The following CRB1 variants were observed in gnomAD, a reference collection of about 807,000 sequenced individuals.
The protein encoded by CRB1 is crumbs cell polarity complex component 1.
In CRB1, 83 loss-of-function variants were observed where a neutral mutation model predicts 120.0. The observed-to-expected ratio is 0.69, with a 90% CI of 0.58 to 0.83. CRB1 has a LOEUF of 0.83. CRB1 is among the 40% of genes least tolerant of loss of function. The pLI is 0.00. For missense variants in CRB1, 1,699 were observed against 1,687.6 expected (o/e 1.01, Z -0.12); for synonymous variants, 625 against 612.5 (o/e 1.02, Z -0.30).
intron 1 of CRB1, among the ~76,000 whole-genome samples, chr1:197,311,319 A>G (rs2125272625): frequency 6.6e-6 from 1 of 152,348 alleles, no homozygotes; most frequent in East Asian, 1.9e-4. Context: ...TCTCATTTCT[A>G]TGTGGAATTT....
intron 2 of CRB1, among the ~76,000 whole-genome samples, chr1:197,340,789 T>G (rs1236385744): frequency 1.3e-5 from 2 of 152,034 alleles, no homozygotes; most frequent in Admixed American, 6.6e-5. Context: ...GGTGGGGAGA[T>G]GAAGGTTATC....
intron 4 of CRB1, among the ~76,000 whole-genome samples, chr1:197,349,606 G>A (rs2125337043): frequency 6.6e-6 from 1 of 152,320 alleles, no homozygotes; most frequent in East Asian, 1.9e-4. Flanking sequence ...CTAATCAGTA[G>A]TAGCTTCTGG....
intron 1 of CRB1, among the ~76,000 whole-genome samples, chr1:197,310,728 A>C (rs1295591278): frequency 1.3e-5 from 2 of 152,190 alleles, no homozygotes. Context: ...GGTTCACCTG[A>C]TAACCATATT....
chr1:197,315,070 A>G (rs1051964545), intron 1 of CRB1, among the ~76,000 whole-genome samples: 14 of 152,332 alleles, frequency 9.2e-5, no homozygotes, highest in African/African-American at 2.6e-4. Context: ...CACAAAAGCC[A>G]TTCCAAATCC....
intron 2 of CRB1, among the ~76,000 whole-genome samples, chr1:197,342,393 C>G (rs1456718565): frequency 6.6e-6 from 1 of 152,136 alleles, no homozygotes; most frequent in Non-Finnish European, 1.5e-5. Flanking sequence ...TCTGTCATTG[C>G]TCTCTAAACA....
chr1:197,447,853 C>CAA (rs397861586), intron 11 of CRB1, among the ~76,000 whole-genome samples: 29 of 59,898 alleles, frequency 4.8e-4, no homozygotes, highest in African/African-American at 1.1e-3. Context: ...GAACCTGTCT[C>CAA]AAAAAAAAAA....
rs2146485 is a variant in CRB1 at position 197,438,309 on chromosome 1, C to T, written c.3750-238C>T. ...CATGGCATAGATCTTATCTCACAAA[C>T]GAAAACTGTGTAGAAATGGAAGATG... On this transcript the variant is annotated intron_variant, in intron 9 of 11. Transcript: ENST00000367400. 0.93 allele frequency among the ~76,000 whole-genome samples: 141,727 copies of T among 152,212 alleles called. 66,880 individuals are homozygous for T. Among genetic ancestry groups the T allele is most frequent in the East Asian group, 1 (5,178 of 5,178 alleles).
intron 4 of CRB1, among the ~76,000 whole-genome samples, chr1:197,350,645 G>A (rs77600883): frequency 1.8e-4 from 27 of 152,282 alleles, no homozygotes; most frequent in African/African-American, 4.1e-4. Flanking sequence ...ATGTCAAAAC[G>A]TATATAGTAC....
chr1:197,252,482 C>A, the CRB1 span, among the ~76,000 whole-genome samples: 1 of 131,930 alleles, frequency 7.6e-6, no homozygotes, highest in East Asian at 2.4e-4. Flanking sequence ...AAATCACTAA[C>A]CTGATTATAT....
At chr1:197,318,949 C>T (rs1658014522) in intron 1 of CRB1, among the ~76,000 whole-genome samples, 1 of 151,886 alleles carries the variant, frequency 6.6e-6, no homozygotes, top group Non-Finnish European at 1.5e-5. Context: ...GAGTTAACAA[C>T]AATGTATTAT....
chr1:197,465,073 A>G (rs1238397323), intron 11 of CRB1, among the ~76,000 whole-genome samples: 1 of 152,170 alleles, frequency 6.6e-6, no homozygotes, highest in African/African-American at 2.4e-5. Context: ...TATCATAATT[A>G]CCCTATGTAC....
At chr1:197,255,094 TC>T in the CRB1 span, among the ~76,000 whole-genome samples, 1 of 152,064 alleles carries the variant, frequency 6.6e-6, no homozygotes, top group Admixed American at 6.6e-5. Context: ...GTTGCCTGCA[TC>T]CGTTTCTCTT....
the CRB1 span, among the ~76,000 whole-genome samples, chr1:197,227,664 G>A: frequency 6.6e-6 from 1 of 152,020 alleles, no homozygotes; most frequent in African/African-American, 2.4e-5. Context: ...GCTGTCAGTG[G>A]ATCTACAATT....
intron 5 of CRB1, among the ~76,000 whole-genome samples, chr1:197,415,855 G>T (rs1222204056): frequency 1.3e-5 from 2 of 151,748 alleles, no homozygotes; most frequent in East Asian, 3.9e-4. Context: ...TGTTAGCCAG[G>T]ATGGTCTCGA....
At chr1:197,287,921 C>T (rs1655925426) in intron 1 of CRB1, among the ~76,000 whole-genome samples, 2 of 151,690 alleles carry the variant, frequency 1.3e-5, no homozygotes, top group Non-Finnish European at 2.9e-5. Flanking sequence ...CAATGGTTTC[C>T]GAGACATCAG....
intron 1 of CRB1, among the ~76,000 whole-genome samples, chr1:197,315,255 C>T (rs1203301292): frequency 6.6e-6 from 1 of 152,116 alleles, no homozygotes; most frequent in African/African-American, 2.4e-5. Context: ...GTCATTCCAT[C>T]ACAATGGCCA....
intron 1 of CRB1, among the ~76,000 whole-genome samples, chr1:197,285,542 A>T (rs918095341): frequency 3.3e-5 from 5 of 151,852 alleles, no homozygotes. Flanking sequence ...TAGCTTAGGG[A>T]GTAGAATGGT....
chr1:197,303,443 G>A (rs1318030248), intron 1 of CRB1, among the ~76,000 whole-genome samples: 1 of 151,578 alleles, frequency 6.6e-6, no homozygotes, highest in Admixed American at 6.6e-5. Flanking sequence ...TTACTCTGAA[G>A]TAAAGGAGAT....
intron 11 of CRB1, among the ~76,000 whole-genome samples, chr1:197,476,360 ATT>A (rs890033935): frequency 1.8e-4 from 23 of 129,034 alleles, no homozygotes; most frequent in African/African-American, 6.3e-4. Context: ...TATTATGATT[ATT>A]TGTGTGTGTG....
Sources: allele counts gnomAD v4.1 joint callset (sites outside exome capture counted in the v4.1 genomes callset), GRCh38; gene constraint gnomAD v4.1.1; transcripts MANE v1.5; gene names NCBI Gene and HGNC (gene_info 2026-07-23, HGNC 2026-07-21).